The following MKLN1 variants were observed in gnomAD, a reference collection of about 807,000 sequenced individuals.
MKLN1 encodes muskelin.
MKLN1 carries 18 observed loss-of-function variants against 99.0 expected under a neutral mutation model. The observed-to-expected ratio is 0.18, with a 90% CI of 0.13 to 0.27. The LOEUF (loss-of-function observed/expected upper bound fraction) is 0.27. Among genes scored for constraint, MKLN1 ranks in the 10% least tolerant of loss-of-function variants. MKLN1 has a pLI of 1.00. For synonymous variants in MKLN1, 288 were observed against 293.2 expected, an observed-to-expected ratio of 0.98 and a Z score of 0.18; for missense variants, 621 against 875.9, an observed-to-expected ratio of 0.71 and a Z score of 3.67.
chr7:131,389,116 T>C (rs1794119075), intron 4 of MKLN1, 144 bp downstream of exon 4: 1 of 541,768 alleles, frequency 1.8e-6, no homozygotes, highest in Non-Finnish European at 3.2e-6. Flanking sequence ...TGTTTACATA[T>C]TGTCTGTATC....
chr7:131,420,766 G>C (rs563875098), intron 8 of MKLN1, among the ~76,000 whole-genome samples: 1 of 152,288 alleles, frequency 6.6e-6, no homozygotes, highest in South Asian at 2.1e-4. Context: ...GACAAGGGGG[G>C]AAGGACAGGG....
intron 1 of MKLN1, among the ~76,000 whole-genome samples, chr7:131,138,290 A>C (rs912461464): frequency 6.6e-6 from 1 of 152,146 alleles, no homozygotes; most frequent in African/African-American, 2.4e-5. Flanking sequence ...TTTTCTTTTA[A>C]AATTGGAGCA....
intron 1 of MKLN1, among the ~76,000 whole-genome samples, chr7:131,330,350 G>A (rs946975502): frequency 6.6e-6 from 1 of 152,182 alleles, no homozygotes; most frequent in Admixed American, 6.5e-5. Flanking sequence ...TAAGCATTTC[G>A]AGGTGGCAGT....
chr7:131,298,538 A>G (rs1312542239), intron 3 of MKLN1, among the ~76,000 whole-genome samples: 3 of 152,118 alleles, frequency 2.0e-5, no homozygotes, highest in Non-Finnish European at 4.4e-5. Context: ...GGGAAGAGAA[A>G]ATTTCAAATA....
chr7:131,170,534 C>G (rs1796200248), intron 2 of MKLN1, among the ~76,000 whole-genome samples: 1 of 152,176 alleles, frequency 6.6e-6, no homozygotes, highest in South Asian at 2.1e-4. Context: ...TCAGTGAGAG[C>G]TGAAATTTTA....
At position 131,195,828 on chromosome 7, in the gene MKLN1, G is replaced by A. The variant is rs1320453192; in HGVS notation, c.-296-7029G>A. On this transcript the variant is annotated intron_variant, in intron 2 of 7. Transcript: ENST00000416992. ...TAGCTCAGCATGGCAGCGCGTGCCT[G>A]TAATCCCAGCTACTTGGGAGGCTGA... is the stretch of plus-strand genomic sequence containing the variant. Among the ~76,000 whole-genome samples, 7 of 152,156 alleles carry A rather than the reference G, an allele frequency of 4.6e-5. No homozygotes were observed. The East Asian group carries it at 1.4e-3, about 29-fold the overall frequency.
intron 1 of MKLN1, among the ~76,000 whole-genome samples, chr7:131,354,430 G>A (rs899528995): frequency 6.7e-6 from 1 of 150,048 alleles, no homozygotes; most frequent in Admixed American, 6.7e-5. Flanking sequence ...CACATGTTTA[G>A]TGTTAGTATA....
intron 1 of MKLN1, 41 bp downstream of exon 1, chr7:131,328,038 G>C: frequency 6.2e-7 from 1 of 1,603,538 alleles, no homozygotes; most frequent in Non-Finnish European, 8.5e-7. Flanking sequence ...CCACCCTTCC[G>C]CGTCAGCACG....
At chr7:131,468,021 G>A (rs1796707507) in intron 15 of MKLN1, among the ~76,000 whole-genome samples, 1 of 152,194 alleles carries the variant, frequency 6.6e-6, no homozygotes, top group African/African-American at 2.4e-5. Context: ...GGGTGAGCAA[G>A]AAGAGTGAAG....
At chr7:131,202,911 C>A (rs1796752434) in exon 3 of MKLN1, 1 of 152,354 alleles carries the variant, frequency 6.6e-6, no homozygotes, top group African/African-American at 2.4e-5. Context: ...AAAGTATCTC[C>A]TGGAGTCCTC....
chr7:131,235,222 TTCTCTCTGTGTC>T (rs1190284727), intron 3 of MKLN1, among the ~76,000 whole-genome samples: 1 of 151,726 alleles, frequency 6.6e-6, no homozygotes, highest in Non-Finnish European at 1.5e-5. Context: ...CTCTATCTCT[TTCTCTCTGTGTC>T]TCTCTCTCTG....
intron 1 of MKLN1, among the ~76,000 whole-genome samples, chr7:131,118,431 T>C (rs766755689): frequency 6.6e-5 from 10 of 151,956 alleles, no homozygotes; most frequent in Non-Finnish European, 8.8e-5. Flanking sequence ...TGGGCACCTG[T>C]AATGCCAGCT....
chr7:131,230,252 G>A (rs1302205342), intron 3 of MKLN1, among the ~76,000 whole-genome samples: 3 of 152,148 alleles, frequency 2.0e-5, no homozygotes, highest in East Asian at 1.9e-4. Context: ...ATCCAAAAGG[G>A]AGGAGGTATA....
upstream of MKLN1, chr7:131,327,829 G>T: frequency 6.4e-7 from 1 of 1,574,322 alleles, no homozygotes. Flanking sequence ...CCCTTTAAGA[G>T]CAGGCCACGC....
chr7:131,261,417 G>A (rs1283848568), intron 3 of MKLN1, among the ~76,000 whole-genome samples: 2 of 152,158 alleles, frequency 1.3e-5, no homozygotes, highest in Non-Finnish European at 2.9e-5. Context: ...CTAACTATTA[G>A]AGAAACGCAA....
rs573986956 is a variant in MKLN1, at chr7:131,178,357, G to A, written c.-296-24500G>A. The stretch of plus-strand genomic sequence containing the variant: ...TTGCCACGTTGGCCAGGCTGGTCTT[G>A]AACTCCTGACCTCAGGTGATCCACC... On this transcript the variant is annotated intron_variant, in intron 2 of 7. Transcript: ENST00000416992. 1.2e-4 allele frequency among the ~76,000 whole-genome samples: 16 copies of A among 128,026 alleles called. No homozygotes were observed. The East Asian group carries it at 3.4e-3, about 27-fold the overall frequency. 84.0% of individuals were successfully genotyped at this position (128,026 alleles called of 152,430 possible).
chr7:131,362,522 A>G (rs1325021447), intron 1 of MKLN1, among the ~76,000 whole-genome samples: 3 of 152,080 alleles, frequency 2.0e-5, no homozygotes, highest in Admixed American at 2.0e-4. Context: ...CATACCGTGT[A>G]TTCTTTGAGT....
intron 1 of MKLN1, among the ~76,000 whole-genome samples, chr7:131,116,743 C>A (rs1187832436): frequency 6.6e-6 from 1 of 151,664 alleles, no homozygotes; most frequent in Non-Finnish European, 1.5e-5. Flanking sequence ...AGATTGTAGT[C>A]AAAGAAATAC....
intron 3 of MKLN1, among the ~76,000 whole-genome samples, chr7:131,246,728 C>T (rs990333258): frequency 1.1e-4 from 17 of 151,900 alleles, no homozygotes; most frequent in African/African-American, 3.9e-4. Context: ...GTGATGTGCC[C>T]GCCTCAGCCT....
Sources: allele counts gnomAD v4.1 joint callset (sites outside exome capture counted in the v4.1 genomes callset), GRCh38; gene constraint gnomAD v4.1.1; transcripts MANE v1.5; gene names NCBI Gene and HGNC (gene_info 2026-07-23, HGNC 2026-07-21).